The following SLC44A5 variants were observed in gnomAD, a reference collection of about 807,000 sequenced individuals.
The protein encoded by SLC44A5 is choline transporter-like protein 5.
A neutral mutation model predicts 101.8 loss-of-function variants in SLC44A5; 57 were observed. That is an observed-to-expected ratio of 0.56 (90% CI 0.45 to 0.70). The LOEUF is 0.70. Ranked by LOEUF, SLC44A5 falls within the 30% of genes least tolerant of loss-of-function variation. The pLI is 0.00. For synonymous variants in SLC44A5, 281 were observed against 290.9 expected (o/e 0.97, Z 0.35); for missense variants, 737 against 853.1 (o/e 0.86, Z 1.70).
intron 3 of SLC44A5, among the ~76,000 whole-genome samples, chr1:75,343,976 C>T (rs1490154116): frequency 1.3e-5 from 2 of 152,064 alleles, no homozygotes; most frequent in Admixed American, 1.3e-4. Flanking sequence ...GCTCATCTCA[C>T]CAGTCTTATT....
chr1:75,282,139 A>G lies in SLC44A5; in HGVS notation c.176-7097T>C, dbSNP rs544458521. On this transcript the variant is annotated intron_variant, in intron 5 of 23. Transcript: ENST00000370859. ...CCAAGTCACAGGGGTGGAGCTGCCT[A>G]TGACCAAGGGAGCCCACCTCTTGCA... Among the ~76,000 whole-genome samples, 3 of 152,316 alleles carry G rather than the reference A, an allele frequency of 2.0e-5. No individual in the cohort carries two copies. The East Asian group carries it at 5.8e-4, about 29-fold the overall frequency.
chr1:75,624,222 T>C, the SLC44A5 span, among the ~76,000 whole-genome samples: 1 of 152,094 alleles, frequency 6.6e-6, no homozygotes, highest in Admixed American at 6.6e-5. Context: ...AATGTGTAAG[T>C]CCATAGTGAT....
At chr1:75,658,151 T>C in the SLC44A5 span, among the ~76,000 whole-genome samples, 1 of 152,144 alleles carries the variant, frequency 6.6e-6, no homozygotes, top group African/African-American at 2.4e-5. Context: ...CACAGCTCAC[T>C]GCAGCCTCGA....
intron 1 of SLC44A5, among the ~76,000 whole-genome samples, chr1:75,550,113 A>G (rs2101977820): frequency 6.6e-6 from 1 of 152,260 alleles, no homozygotes; most frequent in East Asian, 1.9e-4. Flanking sequence ...CATGTATACA[A>G]ATGTTCATAG....
chr1:75,634,221 T>C, the SLC44A5 span, among the ~76,000 whole-genome samples: 1 of 152,192 alleles, frequency 6.6e-6, no homozygotes, highest in East Asian at 1.9e-4. Context: ...GGTATCAGGA[T>C]GATGCTGGCC....
chr1:75,468,040 A>G (rs1165128823), intron 2 of SLC44A5, among the ~76,000 whole-genome samples: 3 of 152,204 alleles, frequency 2.0e-5, no homozygotes, highest in African/African-American at 4.8e-5. Context: ...ATTTCTCAAA[A>G]AAAAGGCATA....
chr1:75,642,124 T>C, the SLC44A5 span: 5 of 1,023,194 alleles, frequency 4.9e-6, no homozygotes, highest in Non-Finnish European at 7.2e-6. Flanking sequence ...ATTGAAGTGA[T>C]ATATATTAAA....
the SLC44A5 span, among the ~76,000 whole-genome samples, chr1:75,718,773 G>A: frequency 3.3e-5 from 5 of 152,114 alleles, no homozygotes; most frequent in Non-Finnish European, 7.4e-5. Flanking sequence ...AGGTCATCAG[G>A]CAACATCCTG....
the SLC44A5 span, among the ~76,000 whole-genome samples, chr1:75,631,531 CCTGG>C: frequency 1.4e-5 from 2 of 147,010 alleles, no homozygotes; most frequent in Non-Finnish European, 3.0e-5. Flanking sequence ...CACAACCACA[CCTGG>C]CTAATTTTTT....
chr1:75,490,559 G>T (rs1035342968), intron 2 of SLC44A5, among the ~76,000 whole-genome samples: 2 of 152,114 alleles, frequency 1.3e-5, no homozygotes, highest in Non-Finnish European at 1.5e-5. Flanking sequence ...AATATCTGAA[G>T]AATAATTATT....
intron 2 of SLC44A5, among the ~76,000 whole-genome samples, chr1:75,405,574 A>G (rs1244715418): frequency 6.6e-6 from 1 of 152,236 alleles, no homozygotes; most frequent in Non-Finnish European, 1.5e-5. Context: ...ATACAACTAC[A>G]TGAAAACTGA....
intron 4 of SLC44A5, among the ~76,000 whole-genome samples, 192 bp downstream of exon 4, chr1:75,339,390 T>C (rs144519568): frequency 1.3e-4 from 20 of 152,304 alleles, no homozygotes; most frequent in African/African-American, 4.8e-4. Context: ...GGAGAAGATA[T>C]TCATGACTCA....
the SLC44A5 span, among the ~76,000 whole-genome samples, chr1:75,678,218 TAAACAAAGCAGCA>T: frequency 4.6e-5 from 7 of 152,158 alleles, no homozygotes; most frequent in Non-Finnish European, 7.4e-5. Context: ...CTTGCTTAGG[TAAACAAAGCAGCA>T]GGGAAGCTCG....
rs537551783 is a variant in SLC44A5, at chr1:75,385,808, A to C, written c.52+10775T>G. ...GATGAACATTGATGCAAAAATCCTC[A>C]ATAAAATACTGGCAAAACGAATCCA... is the stretch of plus-strand genomic sequence containing the variant. On this transcript the variant is annotated intron_variant, in intron 3 of 23. Coordinates refer to ENST00000370859, the MANE Select transcript of SLC44A5 (RefSeq NM_001130058.2). 4.8e-3 allele frequency among the ~76,000 whole-genome samples: 725 copies of C among 152,176 alleles called. 4 individuals are homozygous for C. Among genetic ancestry groups the C allele is most frequent in the African/African-American group, 0.017 (694 of 41,532 alleles).
At chr1:75,351,188 C>T (rs1658627008) in intron 3 of SLC44A5, among the ~76,000 whole-genome samples, 2 of 151,782 alleles carry the variant, frequency 1.3e-5, no homozygotes, top group South Asian at 4.2e-4. Context: ...ACATGCACTT[C>T]ATAACAAAAT....
At chr1:75,631,536 CTAA>C in the SLC44A5 span, among the ~76,000 whole-genome samples, 2 of 123,292 alleles carry the variant, frequency 1.6e-5, no homozygotes, top group African/African-American at 6.3e-5. Flanking sequence ...CCACACCTGG[CTAA>C]TTTTTTTTTT....
intron 1 of SLC44A5, among the ~76,000 whole-genome samples, chr1:75,609,391 G>A (rs1308168360): frequency 6.6e-6 from 1 of 151,882 alleles, no homozygotes; most frequent in Non-Finnish European, 1.5e-5. Flanking sequence ...ATTGTGGAAT[G>A]GCTAAATCAA....
At chr1:75,565,739 T>C (rs1191106377) in intron 1 of SLC44A5, among the ~76,000 whole-genome samples, 2 of 152,198 alleles carry the variant, frequency 1.3e-5, no homozygotes, top group Non-Finnish European at 2.9e-5. Context: ...CTCTCTAAAA[T>C]GAGGGTAATA....
chr1:75,458,955 T>A (rs1666341711), intron 2 of SLC44A5, among the ~76,000 whole-genome samples: 1 of 152,078 alleles, frequency 6.6e-6, no homozygotes, highest in Non-Finnish European at 1.5e-5. Flanking sequence ...ATAATACGGA[T>A]CTAGAGTTCA....
Sources: allele counts gnomAD v4.1 joint callset (sites outside exome capture counted in the v4.1 genomes callset), GRCh38; gene constraint gnomAD v4.1.1; transcripts MANE v1.5; gene names NCBI Gene and HGNC (gene_info 2026-07-23, HGNC 2026-07-21).